CSRNP3: variants seen among roughly 807,000 people sequenced by gnomAD.
The protein encoded by CSRNP3 is cysteine and serine rich nuclear protein 3.
Under a neutral mutation model 48.0 loss-of-function variants are expected in CSRNP3, and 12 were observed. The ratio of observed to expected loss-of-function variants is 0.25; its 90% CI spans 0.16 to 0.41. CSRNP3 has a LOEUF of 0.41. CSRNP3 is among the 10% of genes least tolerant of loss of function. The probability of loss-of-function intolerance (pLI) is 1.00; values close to 1 mark genes in which losing one functional copy is unlikely to be tolerated. For synonymous variants in CSRNP3, 263 were observed against 269.7 expected (o/e 0.98, Z 0.24); for missense variants, 580 against 724.4 (o/e 0.80, Z 2.29).
In CSRNP3 at chr2:165,680,356, TG is replaced by T. The variant is rs1342686890; in HGVS notation, c.*604del. 6.5e-6 allele frequency: 1 copy of T among 152,862 alleles called. No individual in the cohort carries two copies. The highest frequency in any genetic ancestry group is 2.4e-5 in the African/African-American group (1 of 41,444). 9.5% of individuals were successfully genotyped at this position (152,862 alleles called of 1,614,324 possible). On this transcript the variant is annotated 3_prime_UTR_variant, in exon 7 of 7. Coordinates refer to ENST00000651982, the MANE Select transcript of CSRNP3 (RefSeq NM_001172173.2). ...GAATCCATTCACATTTTTATGATCA[TG>T]ACTGATCAGATTTGCAAATTCTTAA...
At chr2:165,491,735 G>A (rs867684274) in intron 1 of CSRNP3, among the ~76,000 whole-genome samples, 1,600 of 120,630 alleles carry the variant, frequency 0.013, 24 homozygotes, top group African/African-American at 0.046. Flanking sequence ...TCACTCATAG[G>A]TGGGAATTGA....
intron 4 of CSRNP3, among the ~76,000 whole-genome samples, chr2:165,655,224 T>C (rs1453085875): frequency 2.0e-5 from 3 of 152,216 alleles, no homozygotes; most frequent in Non-Finnish European, 4.4e-5. Context: ...AGAGGTAGTA[T>C]GATGCCAAAT....
intron 4 of CSRNP3, among the ~76,000 whole-genome samples, chr2:165,617,357 G>C (rs1029947208): frequency 1.3e-5 from 2 of 152,190 alleles, no homozygotes; most frequent in Admixed American, 6.5e-5. Context: ...AAATTGGATA[G>C]GGTACTTTAG....
chr2:165,512,887 A>C (rs1201385852), intron 2 of CSRNP3, among the ~76,000 whole-genome samples: 1 of 152,224 alleles, frequency 6.6e-6, no homozygotes, highest in Non-Finnish European at 1.5e-5. Context: ...GGAGGATCAC[A>C]AGGTCAGGAG....
At chr2:165,544,774 G>A (rs1189644668) in intron 3 of CSRNP3, among the ~76,000 whole-genome samples, 4 of 152,144 alleles carry the variant, frequency 2.6e-5, no homozygotes. Flanking sequence ...ATGCAGTTTA[G>A]GAGAATAGTC....
intron 4 of CSRNP3, among the ~76,000 whole-genome samples, chr2:165,620,723 C>G (rs2105317882): frequency 6.6e-6 from 1 of 152,224 alleles, no homozygotes; most frequent in East Asian, 1.9e-4. Context: ...AATGCAGTGG[C>G]TGGTACCTTA....
intron 4 of CSRNP3, among the ~76,000 whole-genome samples, chr2:165,614,598 T>A (rs1294003545): frequency 6.6e-6 from 1 of 152,202 alleles, no homozygotes; most frequent in Non-Finnish European, 1.5e-5. Flanking sequence ...TGATCTATGT[T>A]CCTTCTATAT....
At chr2:165,591,740 G>A (rs1261745923) in intron 3 of CSRNP3, among the ~76,000 whole-genome samples, 1 of 152,210 alleles carries the variant, frequency 6.6e-6, no homozygotes, top group Non-Finnish European at 1.5e-5. Context: ...TGGGTACCCA[G>A]AAGTCAAGAA....
chr2:165,602,204 C>T (rs755880060), intron 4 of CSRNP3, among the ~76,000 whole-genome samples: 8 of 152,020 alleles, frequency 5.3e-5, no homozygotes, highest in Non-Finnish European at 7.3e-5. Context: ...GACATCATGA[C>T]GCTCAAAAGA....
At chr2:165,577,318 A>G (rs962102228) in intron 3 of CSRNP3, among the ~76,000 whole-genome samples, 1 of 151,888 alleles carries the variant, frequency 6.6e-6, no homozygotes, top group Admixed American at 6.6e-5. Context: ...CATCAATTTT[A>G]TTAAAAATTA....
intron 2 of CSRNP3, among the ~76,000 whole-genome samples, chr2:165,516,485 T>A (rs1355998): frequency 0.18 from 26,843 of 152,060 alleles, 2,565 homozygotes; most frequent in Non-Finnish European, 0.2. Flanking sequence ...AAATGATAAC[T>A]ATATGAGGTA....
At chr2:165,573,200 C>T (rs1191237068) in intron 3 of CSRNP3, among the ~76,000 whole-genome samples, 2 of 151,822 alleles carry the variant, frequency 1.3e-5, no homozygotes, top group African/African-American at 2.4e-5. Context: ...TTTCTTTTGA[C>T]ACATGAAAAA....
chr2:165,657,692 G>C (rs777271740), intron 4 of CSRNP3, 69 bp from the exon 5 acceptor site: 292 of 1,566,154 alleles, frequency 1.9e-4, no homozygotes, highest in Non-Finnish European at 2.3e-4. Flanking sequence ...ATCACCAAAT[G>C]GCATTTTCTT....
chr2:165,663,308 C>T (rs780376256), intron 5 of CSRNP3, among the ~76,000 whole-genome samples: 1 of 152,174 alleles, frequency 6.6e-6, no homozygotes, highest in Non-Finnish European at 1.5e-5. Flanking sequence ...TATGTTTGAA[C>T]TCCACTTATC....
At chr2:165,616,779 T>C (rs1002239930) in intron 4 of CSRNP3, among the ~76,000 whole-genome samples, 2 of 152,216 alleles carry the variant, frequency 1.3e-5, no homozygotes, top group African/African-American at 4.8e-5. Flanking sequence ...GCTTCTTGTG[T>C]TTGGATGTCT....
chr2:165,515,593 T>C (rs931128454), intron 2 of CSRNP3, among the ~76,000 whole-genome samples: 2 of 151,542 alleles, frequency 1.3e-5, no homozygotes. Context: ...AATAGCATCC[T>C]CATTTTCTTT....
chr2:165,552,354 C>T (rs1685108406), intron 3 of CSRNP3, among the ~76,000 whole-genome samples: 1 of 152,196 alleles, frequency 6.6e-6, no homozygotes, highest in Non-Finnish European at 1.5e-5. Context: ...GTAATCTGAA[C>T]AGAAAACCGA....
At chr2:165,496,574 C>T (rs1405699299) in intron 2 of CSRNP3, among the ~76,000 whole-genome samples, 1 of 151,954 alleles carries the variant, frequency 6.6e-6, no homozygotes, top group African/African-American at 2.4e-5. Flanking sequence ...CATTCAAGAC[C>T]CTTGGGAGCA....
At chr2:165,563,411 G>C (rs1390693171) in intron 3 of CSRNP3, among the ~76,000 whole-genome samples, 1 of 152,080 alleles carries the variant, frequency 6.6e-6, no homozygotes, top group African/African-American at 2.4e-5. Context: ...AACCAACCCA[G>C]CTGTTTCTGT....
Sources: allele counts gnomAD v4.1 joint callset (sites outside exome capture counted in the v4.1 genomes callset), GRCh38; gene constraint gnomAD v4.1.1; transcripts MANE v1.5; gene names NCBI Gene and HGNC (gene_info 2026-07-23, HGNC 2026-07-21).